Variants in EMSY observed in about 807,000 individuals in gnomAD.
EMSY encodes the protein BRCA2-interacting transcriptional repressor EMSY.
Under a neutral mutation model 134.6 loss-of-function variants are expected in EMSY, and 26 were observed. That is an observed-to-expected ratio of 0.19 (90% CI 0.14 to 0.27). The LOEUF (loss-of-function observed/expected upper bound fraction) is 0.27, where lower values mean the gene tolerates loss of function less well. Among genes scored for constraint, EMSY ranks in the 10% least tolerant of loss-of-function variants. The probability of loss-of-function intolerance (pLI) is 1.00; values close to 1 mark genes in which losing one functional copy is unlikely to be tolerated. For missense variants in EMSY, 1,305 were observed against 1,611.4 expected (o/e 0.81, Z 3.26); for synonymous variants, 579 against 577.8 (o/e 1.00, Z -0.03).
At chr11:76,478,173 C>T (rs528530812) in intron 8 of EMSY, among the ~76,000 whole-genome samples, 1 of 152,130 alleles carries the variant, frequency 6.6e-6, no homozygotes, top group East Asian at 1.9e-4. Flanking sequence ...AACATGGTTC[C>T]CATTTAGTAT....
rs1377132542 is a variant in EMSY at position 76,488,756 on chromosome 11, TC to T, written c.1109-7458del. 8.5e-5 allele frequency among the ~76,000 whole-genome samples: 13 copies of T among 152,308 alleles called. No individual in the cohort carries two copies. In the East Asian group the frequency reaches 2.5e-3, roughly 29 times the overall value. Reference sequence around the variant, plus strand: ...AGCTCATTTGAGCCATCAAGGAATTTCTTTTCACCTTTCTCTTTGCTTTTCT... The same window carrying T: ...AGCTCATTTGAGCCATCAAGGAATTTTTTTCACCTTTCTCTTTGCTTTTCT... On this transcript the variant is annotated intron_variant, in intron 8 of 20. Transcript: ENST00000334736.
In EMSY at chr11:76,527,640, G is replaced by A. The variant is rs564918575; in HGVS notation, c.1996-628G>A. 5.9e-5 allele frequency among the ~76,000 whole-genome samples: 9 copies of A among 152,066 alleles called. No homozygotes were observed. The South Asian group carries it at 8.3e-4, about 14-fold the overall frequency. Reference sequence around the variant, plus strand: ...TGTTTGTTTTTAACTTTTGCCAGGAGCTGATCCAACACATGTTCCATGTTG... The same window carrying A: ...TGTTTGTTTTTAACTTTTGCCAGGAACTGATCCAACACATGTTCCATGTTG... On this transcript the variant is annotated intron_variant, in intron 13 of 20. Transcript: ENST00000334736.
At chr11:76,530,155 GTTTTTTTTTTT>G (rs61227279) in intron 14 of EMSY, among the ~76,000 whole-genome samples, 2 of 114,350 alleles carry the variant, frequency 1.7e-5, no homozygotes, top group African/African-American at 3.5e-5. Context: ...AATCTTTAGG[GTTTTTTTTTTT>G]TTTTTTTTTG....
At chr11:76,446,349 G>GTA (rs10636663) in intron 1 of EMSY, among the ~76,000 whole-genome samples, 106,975 of 129,756 alleles carry the variant, frequency 0.82, 44,530 homozygotes, top group Non-Finnish European at 0.88. Context: ...ATATATATGT[G>GTA]TATATATATA....
chr11:76,479,095 A>T (rs980569468), intron 8 of EMSY, among the ~76,000 whole-genome samples: 2 of 147,846 alleles, frequency 1.4e-5, no homozygotes, highest in East Asian at 2.0e-4. Context: ...TTCTTGTTTT[A>T]AAAAAAAAAT....
chr11:76,540,642 T>G (rs763720335), intron 17 of EMSY, among the ~76,000 whole-genome samples: 45 of 152,350 alleles, frequency 3.0e-4, no homozygotes, highest in Admixed American at 6.5e-4. Flanking sequence ...CTGGATAGTT[T>G]TAAAGCTAGT....
At chr11:76,552,484 G>A (rs1205976711), downstream of EMSY, 1 of 152,100 alleles carries the variant, frequency 6.6e-6, no homozygotes, top group African/African-American at 2.4e-5. Flanking sequence ...CTCTTTGAAG[G>A]ATATTAACAA....
intron 8 of EMSY, among the ~76,000 whole-genome samples, chr11:76,478,798 A>T (rs1419032072): frequency 2.0e-5 from 3 of 149,974 alleles, no homozygotes; most frequent in Non-Finnish European, 4.4e-5. Flanking sequence ...TAATTTATTA[A>T]ATTTATTATA....
At chr11:76,476,716 G>A (rs1948782162) in intron 8 of EMSY, among the ~76,000 whole-genome samples, 1 of 152,102 alleles carries the variant, frequency 6.6e-6, no homozygotes, top group Non-Finnish European at 1.5e-5. Flanking sequence ...TTTGTGGTAT[G>A]TTGAGATGTT....
chr11:76,504,138 A>C (rs1384713121), intron 9 of EMSY, among the ~76,000 whole-genome samples: 1 of 151,978 alleles, frequency 6.6e-6, no homozygotes, highest in Non-Finnish European at 1.5e-5. Flanking sequence ...CAATTCAGAG[A>C]ATGGGAAATA....
chr11:76,511,084 C>T (rs1478226557), intron 9 of EMSY, among the ~76,000 whole-genome samples: 1 of 151,354 alleles, frequency 6.6e-6, no homozygotes, highest in East Asian at 2.0e-4. Context: ...TGCCAGATAT[C>T]AATATTTGGA....
At chr11:76,477,204 A>G (rs1037133108) in intron 8 of EMSY, among the ~76,000 whole-genome samples, 1 of 151,328 alleles carries the variant, frequency 6.6e-6, no homozygotes, top group Non-Finnish European at 1.5e-5. Context: ...CAATCAAATT[A>G]CTGTATTTAA....
At chr11:76,544,215 A>G in intron 18 of EMSY, 44 bp from the exon 20 acceptor site, 2 of 1,517,350 alleles carry the variant, frequency 1.3e-6, no homozygotes, top group Non-Finnish European at 1.8e-6. Flanking sequence ...AGCAATGTAG[A>G]TGTTTTTCTT....
chr11:76,527,184 C>G (rs1321837500), intron 13 of EMSY, among the ~76,000 whole-genome samples: 1 of 151,996 alleles, frequency 6.6e-6, no homozygotes, highest in African/African-American at 2.4e-5. Flanking sequence ...AGGTATTTTG[C>G]TTTTCTGAGA....
intron 10 of EMSY, among the ~76,000 whole-genome samples, chr11:76,513,884 T>C (rs1206701268): frequency 6.6e-6 from 1 of 152,154 alleles, no homozygotes; most frequent in Non-Finnish European, 1.5e-5. Flanking sequence ...AGTCTGTAAG[T>C]AGGTGCTCAG....
chr11:76,447,056 C>A, intron 2 of EMSY, 48 bp downstream of exon 2: 1 of 1,572,166 alleles, frequency 6.4e-7, no homozygotes, highest in Non-Finnish European at 8.7e-7. Flanking sequence ...TACCTTTTTT[C>A]CCTTTCTGCC....
At chr11:76,463,629 CAAAAAAAAA>C (rs567081751) in intron 6 of EMSY, among the ~76,000 whole-genome samples, 183 bp from the exon 8 acceptor site, 7 of 94,878 alleles carry the variant, frequency 7.4e-5, no homozygotes, top group East Asian at 3.1e-4. Context: ...GACTCCGTCT[CAAAAAAAAA>C]AAAAAAAAAA....
At chr11:76,544,284 C>T (rs750030874) in exon 19 of EMSY, 2 of 1,613,810 alleles carry the variant, frequency 1.2e-6, no homozygotes, top group South Asian at 2.2e-5. Context: ...ACTGCTTTTA[C>T]CAAACACAGC....
At chr11:76,457,065 A>G (rs1247536131) in intron 4 of EMSY, among the ~76,000 whole-genome samples, 1 of 152,142 alleles carries the variant, frequency 6.6e-6, no homozygotes, top group Non-Finnish European at 1.5e-5. Context: ...CCAAATTCAT[A>G]GGATTGAAGA....
Sources: allele counts gnomAD v4.1 joint callset (sites outside exome capture counted in the v4.1 genomes callset), GRCh38; gene constraint gnomAD v4.1.1; transcripts MANE v1.5; gene names NCBI Gene and HGNC (gene_info 2026-07-23, HGNC 2026-07-21).